TLN2: variants seen among roughly 807,000 people sequenced by gnomAD.
TLN2 encodes talin 2.
A neutral mutation model predicts 294.7 loss-of-function variants in TLN2; 118 were observed. The observed-to-expected ratio is 0.40, with a 90% CI of 0.34 to 0.47. The LOEUF (loss-of-function observed/expected upper bound fraction) is 0.47, where lower values mean the gene tolerates loss of function less well. Ranked by LOEUF, TLN2 falls within the 20% of genes least tolerant of loss-of-function variation. TLN2 has a pLI of 0.84. For synonymous variants in TLN2, 1,431 were observed against 1,304.5 expected (o/e 1.10, Z -2.09); for missense variants, 3,083 against 3,282.2 (o/e 0.94, Z 1.48).
At chr15:62,454,105 C>G (rs2036321296) in intron 1 of TLN2, among the ~76,000 whole-genome samples, 1 of 152,158 alleles carries the variant, frequency 6.6e-6, no homozygotes, top group Admixed American at 6.5e-5. Flanking sequence ...GGTAGACATG[C>G]TTTATTTTGG....
intron 34 of TLN2, among the ~76,000 whole-genome samples, chr15:62,751,343 TCTGTTTGATTTGGGCTAAAACTAG>T (rs1337335404): frequency 1.3e-5 from 2 of 152,206 alleles, no homozygotes; most frequent in Non-Finnish European, 2.9e-5. Flanking sequence ...TCAAAAGGAC[TCTGTTTGATTTGGGCTAAAACTAG>T]AATTTCCTCA....
At chr15:62,835,607 A>C in intron 55 of TLN2, 130 bp from the exon 56 acceptor site, 2 of 936,006 alleles carry the variant, frequency 2.1e-6, no homozygotes, top group Non-Finnish European at 3.4e-6. Flanking sequence ...CTCCATTCTC[A>C]GGCCTGTGCT....
intron 2 of TLN2, among the ~76,000 whole-genome samples, chr15:62,617,502 G>A (rs978044299): frequency 2.6e-5 from 4 of 152,132 alleles, no homozygotes; most frequent in Admixed American, 2.0e-4. Flanking sequence ...CAAGAAACAC[G>A]ACTGTAACAG....
chr15:62,667,634 G>C (rs1248215584), intron 9 of TLN2, among the ~76,000 whole-genome samples: 2 of 152,340 alleles, frequency 1.3e-5, no homozygotes, highest in South Asian at 2.1e-4. Context: ...AACCAACTTA[G>C]AGAAACGGTG....
chr15:62,543,914 T>C (rs900068629), intron 1 of TLN2, among the ~76,000 whole-genome samples: 6 of 152,060 alleles, frequency 3.9e-5, no homozygotes, highest in South Asian at 2.1e-4. Context: ...GGGAGGACTG[T>C]AATAGTAAGC....
chr15:62,784,929 T>A (rs1177204458), intron 45 of TLN2: 1 of 152,240 alleles, frequency 6.6e-6, no homozygotes, highest in Non-Finnish European at 1.5e-5. Context: ...GAGTCAGATC[T>A]AAGTATGTTT....
Position 62,762,261 on chromosome 15 carries a change from T to A in TLN2, c.4780-11T>A, listed in dbSNP as rs2062723734. 5.6e-6 allele frequency: 9 copies of A among 1,613,880 alleles called. No homozygotes were observed. The highest frequency in any genetic ancestry group is 1.3e-5 in the African/African-American group (1 of 74,910). On this transcript the variant is annotated splice_polypyrimidine_tract_variant and intron_variant, in intron 38 of 58. Transcript: ENST00000636159. The stretch of plus-strand genomic sequence containing the variant: ...GACCCTGACTTTGATTTCTCTGCTG[T>A]TTGGTCTCAGGGTTCCCAGGCACAG...
At chr15:62,534,791 A>G (rs1344742468) in intron 1 of TLN2, among the ~76,000 whole-genome samples, 4 of 151,966 alleles carry the variant, frequency 2.6e-5, no homozygotes, top group African/African-American at 4.8e-5. Flanking sequence ...CACTCTTACC[A>G]CTCTGGAGAT....
chr15:62,564,408 C>T (rs1400852393), intron 1 of TLN2, among the ~76,000 whole-genome samples: 1 of 152,136 alleles, frequency 6.6e-6, no homozygotes, highest in Non-Finnish European at 1.5e-5. Context: ...GACCTTTTCA[C>T]ACATTGGTGG....
At position 62,805,878 on chromosome 15, in the gene TLN2, C is replaced by T. The variant is rs1596063040; in HGVS notation, c.6663+93C>T. Reference sequence around the variant, plus strand: ...TCTGAAAAAGGGGAGGGGCTCAGAACCTTAAACTTTGTAATAAAAATGCAC... The same window carrying T: ...TCTGAAAAAGGGGAGGGGCTCAGAATCTTAAACTTTGTAATAAAAATGCAC... On this transcript the variant is annotated intron_variant, in intron 51 of 58. Transcript: ENST00000636159. 3 of 1,385,252 alleles carry T rather than the reference C, an allele frequency of 2.2e-6. No individual in the cohort carries two copies. In the East Asian group the frequency reaches 7.2e-5, roughly 33 times the overall value. The allele number at this position is 1,385,252 out of a possible 1,614,324, so 85.8% of individuals were successfully genotyped here.
chr15:62,670,543 C>G (rs955285332), intron 9 of TLN2, among the ~76,000 whole-genome samples: 1 of 152,190 alleles, frequency 6.6e-6, no homozygotes, highest in African/African-American at 2.4e-5. Context: ...TTCTGATGAA[C>G]TTGGAATCTC....
intron 45 of TLN2, among the ~76,000 whole-genome samples, chr15:62,787,572 C>CTT (rs1361174228): frequency 7.9e-5 from 12 of 152,110 alleles, no homozygotes; most frequent in African/African-American, 2.9e-4. Flanking sequence ...CATTTTATGT[C>CTT]TTTGAGCTAC....
At chr15:62,674,245 T>G (rs1029362978) in intron 10 of TLN2, among the ~76,000 whole-genome samples, 42 of 152,306 alleles carry the variant, frequency 2.8e-4, no homozygotes, top group African/African-American at 9.6e-4. Context: ...AAAGTGGAAT[T>G]TGGAAATTAG....
chr15:62,717,614 C>A lies in TLN2; in HGVS notation c.2802C>A (p.Thr934=). The A allele has an allele frequency of 1.2e-6, 2 of 1,602,822 alleles. No individual in the cohort carries two copies. The highest frequency in any genetic ancestry group is 3.4e-5 in the Admixed American group (2 of 58,008). The part of the protein sequence containing the change: ...AKQAAAAATQ[T]IAASQNAAVS... Reference sequence around the variant, plus strand: ...AGGCCGCAGCGGCAGCCACACAGACCATCGCCGCCTCCCAGAATGCAGCTG... The same window carrying A: ...AGGCCGCAGCGGCAGCCACACAGACAATCGCCGCCTCCCAGAATGCAGCTG... Residue 934 remains threonine, a synonymous_variant, in exon 24 of 59, where the codon ACC becomes ACA. Transcript: ENST00000636159.
At position 62,737,037 on chromosome 15, in the gene TLN2, A is replaced by G. The variant is rs763276597; in HGVS notation, c.3518A>G (p.Gln1173Arg). Residue 1173 changes from glutamine to arginine, a missense_variant, in exon 29 of 59, where the codon CAG becomes CGG. Transcript: ENST00000636159. ...GSAMLIQEAK[Q>R]ALIAPGDAER... ...GCCATGCTCATTCAAGAGGCCAAGCAGGCCCTGATTGCACCTGGAGATGCA... is the reference window on the plus strand; with the variant it reads ...GCCATGCTCATTCAAGAGGCCAAGCGGGCCCTGATTGCACCTGGAGATGCA... The G allele has an allele frequency of 1.9e-6, 3 of 1,614,244 alleles. No homozygotes were observed. Among genetic ancestry groups the G allele is most frequent in the Non-Finnish European group, 2.5e-6 (3 of 1,180,048 alleles).
chr15:62,641,085 A>G (rs112234556), intron 3 of TLN2, among the ~76,000 whole-genome samples: 1,972 of 152,136 alleles, frequency 0.013, 48 homozygotes, highest in African/African-American at 0.045. Context: ...TACAGGCATG[A>G]GCCACTGCAC....
At chr15:62,513,415 T>G (rs2040028852) in intron 1 of TLN2, among the ~76,000 whole-genome samples, 1 of 152,240 alleles carries the variant, frequency 6.6e-6, no homozygotes, top group Admixed American at 6.5e-5. Context: ...GCGTTGTCTC[T>G]TCCTAGTGCT....
intron 1 of TLN2, among the ~76,000 whole-genome samples, chr15:62,423,608 T>C (rs904646924): frequency 6.6e-6 from 1 of 150,510 alleles, no homozygotes; most frequent in African/African-American, 2.5e-5. Context: ...TGAGACGGAG[T>C]CTTGCTCTGT....
chr15:62,458,876 T>C (rs2036635860), intron 1 of TLN2, among the ~76,000 whole-genome samples: 1 of 152,166 alleles, frequency 6.6e-6, no homozygotes, highest in African/African-American at 2.4e-5. Context: ...ATCCCTCTCC[T>C]ACCTCTGCCC....
Sources: gnomAD v4.1 joint callset for allele counts (sites outside exome capture counted in the v4.1 genomes callset) on GRCh38, gnomAD v4.1.1 for gene constraint, MANE v1.5 for transcripts, NCBI Gene and HGNC (gene_info 2026-07-23, HGNC 2026-07-21) for gene names.